The following EFCAB13 variants were observed in gnomAD, a reference collection of about 807,000 sequenced individuals.
EFCAB13 encodes the protein EF-hand calcium-binding domain-containing protein 13.
EFCAB13 carries 91 observed loss-of-function variants against 110.2 expected under a neutral mutation model. That is an observed-to-expected ratio of 0.83 (90% CI 0.70 to 0.98). EFCAB13 has a LOEUF of 0.98. Among genes scored for constraint, EFCAB13 ranks in the 50% least tolerant of loss-of-function variants. The pLI is 0.00. For missense variants in EFCAB13, 968 were observed against 1,119.4 expected (o/e 0.86, Z 1.93); for synonymous variants, 323 against 369.9 (o/e 0.87, Z 1.45).
chr17:47,351,131 C>T (rs2065447300), intron 9 of EFCAB13, among the ~76,000 whole-genome samples: 1 of 152,134 alleles, frequency 6.6e-6, no homozygotes, highest in Admixed American at 6.5e-5. Context: ...ATTTGGCTCC[C>T]ACCTATAAAT....
At chr17:47,403,569 G>C (rs1205183643) in intron 18 of EFCAB13, among the ~76,000 whole-genome samples, 1 of 152,144 alleles carries the variant, frequency 6.6e-6, no homozygotes, top group Non-Finnish European at 1.5e-5. Flanking sequence ...TATCTGATGA[G>C]TTAATTTTAT....
chr17:47,399,005 C>A (rs1459476368), intron 17 of EFCAB13, among the ~76,000 whole-genome samples: 1 of 152,136 alleles, frequency 6.6e-6, no homozygotes, highest in Non-Finnish European at 1.5e-5. Context: ...CTCACTGCAA[C>A]CTCTGCCTCC....
intron 17 of EFCAB13, 110 bp from the exon 18 acceptor site, chr17:47,402,021 GA>G (rs2065781613): frequency 1.3e-6 from 1 of 783,272 alleles, no homozygotes; most frequent in Non-Finnish European, 2.2e-6. Flanking sequence ...ATATGAAAAG[GA>G]AATATGATTC....
chr17:47,347,017 G>A lies in EFCAB13; in HGVS notation c.518-791G>A, dbSNP rs75017271. On this transcript the variant is annotated intron_variant, in intron 8 of 24. Coordinates refer to ENST00000331493, the MANE Select transcript of EFCAB13 (RefSeq NM_152347.5). ...CTCATGCCTGTATTCCCAGCACTGC[G>A]GAAGGCCAATGTGGGAGGATCATTT... Among the ~76,000 whole-genome samples the A allele has an allele frequency of 4.3e-3, 658 of 152,242 alleles. 18 individuals carry two copies. In the East Asian group the frequency reaches 0.066, roughly 15 times the overall value.
At chr17:47,412,344 G>A (rs1011875791) in intron 21 of EFCAB13, among the ~76,000 whole-genome samples, 3 of 152,190 alleles carry the variant, frequency 2.0e-5, no homozygotes, top group Non-Finnish European at 4.4e-5. Context: ...AATGCATAGA[G>A]AGGAGGTGCC....
At chr17:47,397,059 C>G (rs968060160) in intron 17 of EFCAB13, among the ~76,000 whole-genome samples, 9 of 146,986 alleles carry the variant, frequency 6.1e-5, no homozygotes, top group African/African-American at 1.8e-4. Flanking sequence ...CCTCTCATGC[C>G]GAGCCGAAGC....
intron 4 of EFCAB13, chr17:47,329,995 C>G (rs1248636575): frequency 2.6e-5 from 4 of 152,166 alleles, no homozygotes; most frequent in Non-Finnish European, 5.9e-5. Context: ...CAGAGATTCT[C>G]TCTAAACTTC....
intron 10 of EFCAB13, among the ~76,000 whole-genome samples, chr17:47,362,974 T>G (rs1167105723): frequency 6.6e-6 from 1 of 152,164 alleles, no homozygotes; most frequent in African/African-American, 2.4e-5. Context: ...CCCAGCTGTC[T>G]TTTCTTTTAT....
intron 23 of EFCAB13, among the ~76,000 whole-genome samples, chr17:47,421,522 C>T (rs1226379829): frequency 6.6e-6 from 1 of 151,582 alleles, no homozygotes; most frequent in African/African-American, 2.4e-5. Context: ...CCTAGGAAAA[C>T]CAGAGACCTT....
At chr17:47,392,883 A>G (rs542754342) in intron 15 of EFCAB13, among the ~76,000 whole-genome samples, 2 of 152,348 alleles carry the variant, frequency 1.3e-5, no homozygotes, top group South Asian at 4.1e-4. Context: ...AGATACAACA[A>G]AGAGAATGAA....
At chr17:47,371,073 T>G (rs1310236269) in intron 11 of EFCAB13, among the ~76,000 whole-genome samples, 1 of 150,716 alleles carries the variant, frequency 6.6e-6, no homozygotes, top group Non-Finnish European at 1.5e-5. Context: ...TTTTTTTTTT[T>G]TTTTTTTTTT....
intron 9 of EFCAB13, among the ~76,000 whole-genome samples, chr17:47,351,972 G>A (rs951488938): frequency 6.7e-6 from 1 of 149,966 alleles, no homozygotes; most frequent in Non-Finnish European, 1.5e-5. Flanking sequence ...TGCGATCTTG[G>A]CTCACTGCAA....
chr17:47,409,700 G>A lies in EFCAB13; in HGVS notation c.2278+9G>A. 1 of 1,600,946 alleles carries A rather than the reference G, an allele frequency of 6.2e-7. No individual in the cohort carries two copies. The highest frequency in any genetic ancestry group is 8.6e-7 in the Non-Finnish European group (1 of 1,168,632). On this transcript the variant is annotated intron_variant, in intron 21 of 24. Transcript: ENST00000331493. ...ATTACCAAAGGTAAACGGTGAGTAA[G>A]AACTTTGTATATGAGAAAATTTTCA...
intron 10 of EFCAB13, among the ~76,000 whole-genome samples, chr17:47,367,065 G>A (rs1402600540): frequency 1.3e-5 from 2 of 152,156 alleles, no homozygotes; most frequent in Non-Finnish European, 2.9e-5. Flanking sequence ...ATGGGACATG[G>A]AATCAATCTA....
At chr17:47,383,247 T>G (rs530074299) in intron 14 of EFCAB13, among the ~76,000 whole-genome samples, 1 of 152,192 alleles carries the variant, frequency 6.6e-6, no homozygotes, top group Non-Finnish European at 1.5e-5. Flanking sequence ...GATTCATTGA[T>G]TTTTTGAAGT....
chr17:47,387,701 C>G (rs2065684350), intron 14 of EFCAB13, among the ~76,000 whole-genome samples: 1 of 152,150 alleles, frequency 6.6e-6, no homozygotes. Flanking sequence ...GTCATGGTTC[C>G]TAGTTTGCTG....
Position 47,374,515 on chromosome 17 carries a change from A to G in EFCAB13, c.921A>G (p.Arg307=). Residue 307 remains arginine (R), a synonymous_variant, in exon 12 of 25, where the codon AGA becomes AGG. Coordinates refer to ENST00000331493, the MANE Select transcript of EFCAB13 (RefSeq NM_152347.5). ...CTTTGAATGAAATTACTTCAGACAG[A>G]AAGTTATCAAGTGTAGCAGGATGCT... is the stretch of plus-strand genomic sequence containing the variant. ...GSPLNEITSD[R]KLSSVAGCYL... 1 of 1,556,312 alleles carries G rather than the reference A, an allele frequency of 6.4e-7. No individual in the cohort carries two copies. Among genetic ancestry groups the G allele is most frequent in the South Asian group, 1.2e-5 (1 of 80,686 alleles).
chr17:47,382,551 G>C (rs995151952), intron 14 of EFCAB13, among the ~76,000 whole-genome samples: 1 of 152,146 alleles, frequency 6.6e-6, no homozygotes, highest in Non-Finnish European at 1.5e-5. Flanking sequence ...AGTTTATTGA[G>C]AGTTTTTAGC....
rs1007317289 is a variant in EFCAB13 at position 47,369,134 on chromosome 17, A to G, written c.806-1303A>G. Among the ~76,000 whole-genome samples the G allele has an allele frequency of 4.7e-4, 72 of 152,232 alleles. 1 individual carries two copies. Among genetic ancestry groups the G allele is most frequent in the African/African-American group, 1.6e-3 (67 of 41,456 alleles). On this transcript the variant is annotated intron_variant, in intron 10 of 24. Transcript: ENST00000331493. ...TGAACCTGATACCAAGTTCTACCAC[A>G]ACAGGAATAGCTTTTGTTTTTGATA... is the stretch of plus-strand genomic sequence containing the variant.
Sources: gnomAD v4.1 joint callset for allele counts (sites outside exome capture counted in the v4.1 genomes callset) on GRCh38, gnomAD v4.1.1 for gene constraint, MANE v1.5 for transcripts, NCBI Gene and HGNC (gene_info 2026-07-23, HGNC 2026-07-21) for gene names.